TTN: variants seen among roughly 807,000 people sequenced by gnomAD.
TTN encodes the protein titin, also known as connectin.
Under a neutral mutation model 3,223.0 loss-of-function variants are expected in TTN, and 1,525 were observed. The ratio of observed to expected loss-of-function variants is 0.47; its 90% CI spans 0.45 to 0.49. TTN has a LOEUF of 0.49. TTN is among the 20% of genes least tolerant of loss of function. TTN has a pLI of 0.00. For missense variants in TTN, 40,786 were observed against 43,424.0 expected (o/e 0.94, Z 5.40); for synonymous variants, 14,094 against 15,161.0 (o/e 0.93, Z 5.17).
intron 115 of TTN, 145 bp from the exon 116 acceptor site, chr2:178,695,051 G>T: frequency 1.5e-6 from 1 of 671,746 alleles, no homozygotes; most frequent in Non-Finnish European, 2.4e-6. Flanking sequence ...TAAAGAGAGA[G>T]ATGAGTTCGG....
Position 178,652,146 on chromosome 2 carries a change from T to C in TTN, c.39245A>G (p.Lys13082Arg). ...GGGAGGAATAGCTTCAGGCACCTTC[T>C]TTTCTGGGACAGCTACCTTTGGCAC... ...PEVPKVAVPE[K>R]KVPEAIPPKP... is the part of the protein sequence containing the mutation. Residue 13082 changes from lysine (K) to arginine (R), a missense_variant, in exon 204 of 363, where the codon AAG becomes AGG. Physicochemically the swap from Lys to Arg is conservative, Grantham distance 26 (BLOSUM62 2). Coordinates refer to ENST00000589042, the MANE Select transcript of TTN (RefSeq NM_001267550.2). 2.5e-6 allele frequency: 4 copies of C among 1,612,384 alleles called. No individual in the cohort carries two copies. Among genetic ancestry groups the C allele is most frequent in the Admixed American group, 3.3e-5 (2 of 59,980 alleles).
chr2:178,538,033 A>T, intron 354 of TTN, 116 bp from the exon 355 acceptor site: 1 of 974,560 alleles, frequency 1.0e-6, no homozygotes, highest in South Asian at 1.8e-5. Context: ...TGATTTACAT[A>T]TTAGCCTAAT....
Position 178,567,766 on chromosome 2 carries a change from G to T in TTN, c.78366C>A (p.Gly26122=). Residue 26122 remains glycine (G), a synonymous_variant, in exon 326 of 363, where the codon GGC becomes GGA. Transcript: ENST00000589042. ...GCAAATCACGTTTCTCTACAATGTA[G>T]CCTGTAATCATACTTCCACCATCAT... The part of the protein sequence containing the change: ...PVYDGGSMIT[G]YIVEKRDLPD... 1 of 1,613,400 alleles carries T rather than the reference G, an allele frequency of 6.2e-7. No individual in the cohort carries two copies. The highest frequency in any genetic ancestry group is 1.3e-5 in the African/African-American group (1 of 74,994).
rs1358326215 is a variant in TTN at position 178,775,710 on chromosome 2, C to T, written c.6154G>A (p.Ala2052Thr). ...TKELTEEEKK[A>T]LAEEGKITIP... is the part of the protein sequence containing the mutation. ...GTGATTTTGCCTTCTTCGGCAAGAGCTTTCTTTTCCTCTTCAGTTAACTCT... is the reference window on the plus strand; with the variant it reads ...GTGATTTTGCCTTCTTCGGCAAGAGTTTTCTTTTCCTCTTCAGTTAACTCT... Residue 2052 changes from alanine to threonine, a missense_variant, in exon 28 of 363, where the codon GCT (alanine) becomes ACT (threonine). By Grantham distance (58) the Ala-to-Thr change is moderately conservative. Transcript: ENST00000589042. 2 of 1,614,132 alleles carry T rather than the reference C, an allele frequency of 1.2e-6. No individual in the cohort carries two copies. The highest frequency in any genetic ancestry group is 8.5e-7 in the Non-Finnish European group (1 of 1,179,998).
rs1452074495 is a variant in TTN, at chr2:178,675,766, T to G, written c.34454-12A>C. ...AGGTACCACAGACACTTTAAAAATATTATTTTATTTTATAAGTTCAGTTTC... is the reference window on the plus strand; with the variant it reads ...AGGTACCACAGACACTTTAAAAATAGTATTTTATTTTATAAGTTCAGTTTC... On this transcript the variant is annotated splice_polypyrimidine_tract_variant and intron_variant, in intron 148 of 362. Coordinates refer to ENST00000589042, the MANE Select transcript of TTN (RefSeq NM_001267550.2). 6.7e-7 allele frequency: 1 copy of G among 1,481,908 alleles called. No homozygotes were observed. The highest frequency in any genetic ancestry group is 2.3e-5 in the Admixed American group (1 of 43,686). 91.8% of individuals were successfully genotyped at this position (1,481,908 alleles called of 1,614,324 possible).
chr2:178,723,288 G>A lies in TTN; in HGVS notation c.21719C>T (p.Ser7240Phe). ...AAFLKRLSDH[S>F]VEPGKSIILE... is the part of the protein sequence containing the mutation. ...AATTATGGACTTCCCTGGTTCTACA[G>A]AATGATCACTTAATCTCTTCAAAAA... The change falls in exon 75 of 363, where the codon TCT (serine) becomes TTT (phenylalanine). Residue 7240 changes from serine to phenylalanine, a missense_variant. By Grantham distance (155) the Ser-to-Phe change is radical. Transcript: ENST00000589042. 6.2e-7 allele frequency: 1 copy of A among 1,613,408 alleles called. No individual in the cohort carries two copies. Among genetic ancestry groups the A allele is most frequent in the Admixed American group, 1.7e-5 (1 of 59,970 alleles).
At chr2:178,696,393 T>C (rs555392559) in intron 113 of TTN, 124 bp from the exon 114 acceptor site, 2 of 897,438 alleles carry the variant, frequency 2.2e-6, no homozygotes, top group East Asian at 5.6e-5. Flanking sequence ...ATTTGTTTTT[T>C]TTTTTTGTAT....
intron 241 of TTN, 74 bp downstream of exon 241, chr2:178,625,199 A>G: frequency 9.2e-6 from 14 of 1,521,842 alleles, no homozygotes; most frequent in Non-Finnish European, 1.2e-5. Context: ...CTCATCATAT[A>G]AAGATAATTG....
In TTN at chr2:178,718,528, G is replaced by A; in HGVS notation, c.24578C>T (p.Thr8193Ile). 6.2e-7 allele frequency: 1 copy of A among 1,613,752 alleles called. No individual in the cohort carries two copies. Among genetic ancestry groups the A allele is most frequent in the Non-Finnish European group, 8.5e-7 (1 of 1,179,752 alleles). The change falls in exon 85 of 363, where the codon ACA becomes ATA. Residue 8193 changes from threonine (T) to isoleucine (I), a missense_variant. Thr to Ile is a moderately conservative substitution (Grantham distance 89). Coordinates refer to ENST00000589042, the MANE Select transcript of TTN (RefSeq NM_001267550.2). ...ETGSPIVLEA[T>I]YTGTPPISVS... ...TGAGATTGGAGGTGTGCCAGTGTAT[G>A]TGGCCTCGAGAACTATGGGGCTTCC...
rs1559296734 is a variant in TTN at position 178,561,272 on chromosome 2, T to A, written c.84860A>T (p.Tyr28287Phe). 3.1e-6 allele frequency: 5 copies of A among 1,613,820 alleles called. No homozygotes were observed. The highest frequency in any genetic ancestry group is 4.2e-6 in the Non-Finnish European group (5 of 1,179,806). ...HYDGGAKITG[Y>F]IVERRELPDG... Reference sequence around the variant, plus strand: ...TGGTAGTTCTCTGCGTTCAACAATGTATCCTGTGATCTTAGCTCCACCATC... The same window carrying A: ...TGGTAGTTCTCTGCGTTCAACAATGAATCCTGTGATCTTAGCTCCACCATC... Residue 28287 changes from tyrosine (Y) to phenylalanine (F), a missense_variant, in exon 326 of 363, where the codon TAC becomes TTC. Tyr to Phe is a conservative substitution (Grantham distance 22). Transcript: ENST00000589042.
intron 47 of TTN, among the ~76,000 whole-genome samples, chr2:178,742,495 T>C (rs1234653859): frequency 1.3e-5 from 2 of 152,308 alleles, no homozygotes; most frequent in South Asian, 2.1e-4. Flanking sequence ...CCTTCTTTCA[T>C]CTATGTAAAT....
intron 17 of TTN, 68 bp downstream of exon 17, chr2:178,783,652 G>T: frequency 7.5e-7 from 1 of 1,336,350 alleles, no homozygotes; most frequent in Admixed American, 1.7e-5. Flanking sequence ...ACTGATCTTT[G>T]CAAACGTGTA....
At position 178,693,700 on chromosome 2, in the gene TTN, T is replaced by C; in HGVS notation, c.31514-11A>G. Reference sequence around the variant, plus strand: ...TTTGTACCTCGGGGACTTAAAAAAATGTACATTTTAATTACTGATATGCCA... The same window carrying C: ...TTTGTACCTCGGGGACTTAAAAAAACGTACATTTTAATTACTGATATGCCA... On this transcript the variant is annotated splice_polypyrimidine_tract_variant and intron_variant, in intron 118 of 362. Coordinates refer to ENST00000589042, the MANE Select transcript of TTN (RefSeq NM_001267550.2). The C allele has an allele frequency of 6.3e-7, 1 of 1,579,254 alleles. No individual in the cohort carries two copies. The highest frequency in any genetic ancestry group is 8.6e-7 in the Non-Finnish European group (1 of 1,157,032).
rs1390266965 is a variant in TTN, at chr2:178,618,438, C to A, written c.47020G>T (p.Val15674Leu). Residue 15674 changes from valine (V) to leucine (L), a missense_variant, in exon 252 of 363, where the codon GTG becomes TTG. Physicochemically the swap from Val to Leu is conservative, Grantham distance 32. Transcript: ENST00000589042. ...AAAGGTTCTTCCCAAGCAAGGCTCA[C>A]TTCACCATCAAATGTTTCTGTCACT... Reference protein sequence around the residue: ...LEVTETFDGEVSLAWEEPLTD... With the variant: ...LEVTETFDGELSLAWEEPLTD... The A allele has an allele frequency of 6.2e-7, 1 of 1,612,372 alleles. No individual in the cohort carries two copies.
intron 134 of TTN, 56 bp downstream of exon 134, chr2:178,683,155 A>C: frequency 8.1e-7 from 1 of 1,240,518 alleles, no homozygotes; most frequent in Non-Finnish European, 1.2e-6. Context: ...GGGAACTAGA[A>C]GGCAAAGAGC....
intron 49 of TTN, 29 bp downstream of exon 49, chr2:178,738,053 C>G: frequency 6.3e-7 from 1 of 1,597,888 alleles, no homozygotes; most frequent in South Asian, 1.1e-5. Flanking sequence ...AATGAAGTGA[C>G]AACATCTGTG....
rs727503661 is a variant in TTN at position 178,741,477 on chromosome 2, G to T, written c.11756C>A (p.Thr3919Asn). The T allele has an allele frequency of 4.4e-5, 71 of 1,613,752 alleles. No homozygotes were observed. Among genetic ancestry groups the T allele is most frequent in the Non-Finnish European group, 5.7e-5 (67 of 1,179,836 alleles). ...TTTTGCCACTGCTGATTCTGTTTCAGTGTCTTTGTGACCCTCTCCTTTGGA... is the reference window on the plus strand; with the variant it reads ...TTTTGCCACTGCTGATTCTGTTTCATTGTCTTTGTGACCCTCTCCTTTGGA... ...INSKGEGHKDTETESAVAKSL... is the reference protein window; with the variant it reads ...INSKGEGHKDNETESAVAKSL... The change falls in exon 48 of 363, where the codon ACT becomes AAT. Residue 3919 changes from threonine (T) to asparagine (N), a missense_variant. Coordinates refer to ENST00000589042, the MANE Select transcript of TTN (RefSeq NM_001267550.2).
rs766028085 is a variant in TTN, at chr2:178,777,940, A to G, written c.4244T>C (p.Ile1415Thr). 3.1e-6 allele frequency: 5 copies of G among 1,613,866 alleles called. No individual in the cohort carries two copies. Among genetic ancestry groups the G allele is most frequent in the Non-Finnish European group, 4.2e-6 (5 of 1,179,922 alleles). The change falls in exon 25 of 363, where the codon ATA becomes ACA. Residue 1415 changes from isoleucine to threonine, a missense_variant. Transcript: ENST00000589042. ...LSPRSVSRSP[I>T]RMSPARMSPA... ...TGACATCCGTGCAGGAGACATGCGT[A>G]TAGGAGACCTGCTCACTGAACGTGG...
In TTN at chr2:178,532,410, C is replaced by T. The variant is rs752424146; in HGVS notation, c.104205G>A (p.Thr34735=). 6.6e-5 allele frequency: 107 copies of T among 1,613,846 alleles called. No homozygotes were observed. In the Admixed American group the frequency reaches 1.3e-3, roughly 19 times the overall value. Residue 34735 remains threonine, a synonymous_variant, in exon 358 of 363, where the codon ACG becomes ACA. Transcript: ENST00000589042. The part of the protein sequence containing the change: ...DFRYSTYHIP[T]KAEASTSYAE... ...CATAACTTGTACTAGCTTCAGCCTTCGTTGGGATGTGATAGGTTGAATACC... is the reference window on the plus strand; with the variant it reads ...CATAACTTGTACTAGCTTCAGCCTTTGTTGGGATGTGATAGGTTGAATACC...
Sources: gnomAD v4.1 joint callset for allele counts (sites outside exome capture counted in the v4.1 genomes callset) on GRCh38, gnomAD v4.1.1 for gene constraint, MANE v1.5 for transcripts, NCBI Gene and HGNC (gene_info 2026-07-23, HGNC 2026-07-21) for gene names.